SLC20A2: variants seen among roughly 807,000 people sequenced by gnomAD.
SLC20A2 encodes the protein sodium-dependent phosphate transporter 2.
In SLC20A2, 30 loss-of-function variants were observed where a neutral mutation model predicts 61.0. That is an observed-to-expected ratio of 0.49 (90% confidence interval 0.37 to 0.67). The LOEUF (loss-of-function observed/expected upper bound fraction) is 0.67, where lower values mean the gene tolerates loss of function less well. Ranked by LOEUF, SLC20A2 falls within the 30% of genes least tolerant of loss-of-function variation. The pLI is 0.00. For synonymous variants in SLC20A2, 351 were observed against 353.3 expected, an observed-to-expected ratio of 0.99 and a Z score of 0.07; for missense variants, 626 against 866.4, an observed-to-expected ratio of 0.72 and a Z score of 3.48.
intron 1 of SLC20A2, among the ~76,000 whole-genome samples, chr8:42,493,670 TAG>T (rs911835005): frequency 1.3e-5 from 2 of 152,222 alleles, no homozygotes; most frequent in African/African-American, 2.4e-5. Context: ...GATCAGATTA[TAG>T]AGTTTGTTAA....
At chr8:42,455,257 T>TATATAGAG (rs1357416749) in intron 5 of SLC20A2, among the ~76,000 whole-genome samples, 23 of 81,622 alleles carry the variant, frequency 2.8e-4, no homozygotes, top group African/African-American at 7.0e-4. Flanking sequence ...TATATATATA[T>TATATAGAG]AGAGAGAGAG....
intron 5 of SLC20A2, among the ~76,000 whole-genome samples, chr8:42,455,223 TAAAAAAAA>T (rs1167685475): frequency 4.6e-4 from 23 of 49,850 alleles, no homozygotes; most frequent in African/African-American, 2.1e-3. Context: ...AGACTCCGTC[TAAAAAAAA>T]AAAAAAAAAA....
intron 1 of SLC20A2, among the ~76,000 whole-genome samples, chr8:42,531,385 C>T (rs940771225): frequency 6.6e-6 from 1 of 152,186 alleles, no homozygotes; most frequent in Admixed American, 6.5e-5. Flanking sequence ...TCAATACAAT[C>T]AACCCCTCTT....
At position 42,439,557 on chromosome 8, in the gene SLC20A2, C is replaced by A. The variant is rs542409474; in HGVS notation, c.827G>T (p.Gly276Val). 2.5e-6 allele frequency: 4 copies of A among 1,614,204 alleles called. No individual in the cohort carries two copies. The East Asian group carries it at 6.7e-5, about 27-fold the overall frequency. ...GGTGCTGTCATCATTAGCCTTGGCACCTGGTAGCTCTTTAAATACTGGGGA... is the reference window on the plus strand; with the variant it reads ...GGTGCTGTCATCATTAGCCTTGGCAACTGGTAGCTCTTTAAATACTGGGGA... The part of the protein sequence containing the change: ...AESPVFKELP[G>V]AKANDDSTIP... Residue 276 changes from glycine to valine, a missense_variant, in exon 7 of 11, where the codon GGT becomes GTT. By Grantham distance (109) the Gly-to-Val change is moderately radical (BLOSUM62 -3). Coordinates refer to ENST00000520262, the MANE Select transcript of SLC20A2 (RefSeq NM_001257180.2).
intron 1 of SLC20A2, among the ~76,000 whole-genome samples, chr8:42,482,398 C>T (rs756792647): frequency 1.3e-5 from 2 of 151,818 alleles, no homozygotes; most frequent in Non-Finnish European, 2.9e-5. Context: ...TTAGGCTGGG[C>T]GAGGTGGTTC....
intron 8 of SLC20A2, among the ~76,000 whole-genome samples, chr8:42,431,113 G>C (rs1210641185): frequency 6.6e-6 from 1 of 152,228 alleles, no homozygotes. Context: ...AAATGATTAA[G>C]CTTAGTGAGG....
chr8:42,428,077 C>G (rs540094141), intron 10 of SLC20A2, among the ~76,000 whole-genome samples: 1 of 152,230 alleles, frequency 6.6e-6, no homozygotes, highest in African/African-American at 2.4e-5. Context: ...GTCCTCCCCA[C>G]CTGGGTTCTG....
intron 5 of SLC20A2, among the ~76,000 whole-genome samples, chr8:42,450,696 G>T (rs539323782): frequency 1.3e-5 from 2 of 151,992 alleles, no homozygotes; most frequent in East Asian, 3.9e-4. Context: ...GCTAATTTTT[G>T]TATTTTTAGT....
At chr8:42,505,520 C>T (rs1032575393), upstream of SLC20A2, among the ~76,000 whole-genome samples, 7 of 152,064 alleles carry the variant, frequency 4.6e-5, no homozygotes, top group Admixed American at 1.3e-4. Flanking sequence ...TAGTTTGGAA[C>T]CTTAGAAAAG....
At chr8:42,445,780 T>C (rs915455341) in intron 5 of SLC20A2, among the ~76,000 whole-genome samples, 8 of 152,060 alleles carry the variant, frequency 5.3e-5, no homozygotes, top group Non-Finnish European at 4.4e-5. Flanking sequence ...CTGTCTTCCA[T>C]CCTGATGCCC....
chr8:42,427,304 T>C (rs1329015491), intron 10 of SLC20A2, among the ~76,000 whole-genome samples: 1 of 152,222 alleles, frequency 6.6e-6, no homozygotes, highest in East Asian at 1.9e-4. Context: ...ACCTTGGCCA[T>C]GGTCGGGCAC....
intron 1 of SLC20A2, among the ~76,000 whole-genome samples, chr8:42,486,805 G>A (rs1049624475): frequency 6.6e-6 from 1 of 152,142 alleles, no homozygotes; most frequent in Non-Finnish European, 1.5e-5. Context: ...AAGTTGTCTG[G>A]ATGTGTACAT....
chr8:42,533,660 T>TTC lies in SLC20A2; in HGVS notation c.-265+8160_-265+8161insGA, dbSNP rs1220319534. Among the ~76,000 whole-genome samples, 14 of 118,300 alleles carry TTC rather than the reference T, an allele frequency of 1.2e-4. 1 individual carries two copies. Among genetic ancestry groups the TTC allele is most frequent in the South Asian group, 3.1e-4 (1 of 3,242 alleles). 77.6% of individuals were successfully genotyped at this position (118,300 alleles called of 152,430 possible). A position where few individuals can be genotyped will look rare whatever the true frequency, so the allele number is the denominator to read the frequency against. On this transcript the variant is annotated intron_variant, in intron 1 of 10. Transcript: ENST00000342228. ...GCCTTAATGATCAACTGTTCTTTTT[T>TTC]TTTTTTTTTTTTTTTTGAGACGGGA...
At chr8:42,540,250 C>T (rs1813007096) in intron 1 of SLC20A2, among the ~76,000 whole-genome samples, 1 of 152,168 alleles carries the variant, frequency 6.6e-6, no homozygotes, top group Non-Finnish European at 1.5e-5. Flanking sequence ...CAAGACAGTG[C>T]CATTGCACTC....
rs146230305 is a variant in SLC20A2 at position 42,436,948 on chromosome 8, C to A, written c.1523+41G>T. ...CGCACAGCGCTGGCCCCTGGCGGAG[C>A]CTCAAGGACCCTTGTTGAATGAATG... On this transcript the variant is annotated intron_variant, in intron 8 of 10. Transcript: ENST00000520262. The A allele has an allele frequency of 8.7e-3, 13,424 of 1,534,660 alleles. 93 individuals carry two copies. The highest frequency in any genetic ancestry group is 0.01 in the Non-Finnish European group (11,606 of 1,134,990).
At chr8:42,439,743 C>T in intron 6 of SLC20A2, 90 bp from the exon 7 acceptor site, 1 of 988,430 alleles carries the variant, frequency 1.0e-6, no homozygotes, top group Non-Finnish European at 1.5e-6. Flanking sequence ...TATCTTTATG[C>T]TTTAGCACTG....
intron 1 of SLC20A2, among the ~76,000 whole-genome samples, chr8:42,539,616 T>C (rs1563560946): frequency 1.3e-5 from 2 of 152,212 alleles, no homozygotes; most frequent in African/African-American, 4.8e-5. Context: ...CAGTCCACTG[T>C]TTTTTATTTT....
chr8:42,436,764 C>T (rs1357780609), intron 8 of SLC20A2, among the ~76,000 whole-genome samples: 1 of 152,242 alleles, frequency 6.6e-6, no homozygotes, highest in African/African-American at 2.4e-5. Context: ...GCACTGCCAT[C>T]CTGGCGGCTC....
intron 10 of SLC20A2, among the ~76,000 whole-genome samples, chr8:42,421,577 G>A (rs1459606524): frequency 1.3e-5 from 2 of 152,248 alleles, no homozygotes; most frequent in East Asian, 3.9e-4. Flanking sequence ...GGCCGAGGCG[G>A]GCAGATCACC....
Sources: gnomAD v4.1 joint callset for allele counts (sites outside exome capture counted in the v4.1 genomes callset) on GRCh38, gnomAD v4.1.1 for gene constraint, MANE v1.5 for transcripts, NCBI Gene and HGNC (gene_info 2026-07-23, HGNC 2026-07-21) for gene names.